Variants in MME observed in about 807,000 individuals in gnomAD.
MME encodes the protein neprilysin.
A neutral mutation model predicts 113.2 loss-of-function variants in MME; 98 were observed. The ratio of observed to expected loss-of-function variants is 0.87; its 90% CI spans 0.74 to 1.02. MME has a LOEUF of 1.02. MME is among the 50% of genes least tolerant of loss of function. The pLI, the probability that MME is intolerant of heterozygous loss-of-function variation, is 0.00. For synonymous variants in MME, 292 were observed against 300.6 expected (o/e 0.97, Z 0.30); for missense variants, 836 against 896.0 (o/e 0.93, Z 0.86).
chr3:155,028,566 A>G (rs1230425124), intron 1 of MME, among the ~76,000 whole-genome samples: 1 of 152,204 alleles, frequency 6.6e-6, no homozygotes, highest in African/African-American at 2.4e-5. Flanking sequence ...GCCACACTTT[A>G]TAGATGGAGG....
chr3:155,062,717 A>C (rs1427588285), intron 1 of MME, among the ~76,000 whole-genome samples: 1 of 152,116 alleles, frequency 6.6e-6, no homozygotes, highest in Non-Finnish European at 1.5e-5. Context: ...CTGAGACATA[A>C]AAGACAAGCT....
At chr3:155,046,758 C>T (rs1292172027) in intron 1 of MME, among the ~76,000 whole-genome samples, 1 of 151,878 alleles carries the variant, frequency 6.6e-6, no homozygotes, top group Non-Finnish European at 1.5e-5. Context: ...CCTGTGTAGG[C>T]CTAGGGTTAA....
chr3:155,090,412 A>G (rs1716186147), intron 3 of MME: 1 of 152,116 alleles, frequency 6.6e-6, no homozygotes, highest in African/African-American at 2.4e-5. Context: ...TATATGCTAT[A>G]TTTTTTCTGT....
intron 3 of MME, among the ~76,000 whole-genome samples, chr3:155,100,964 G>A (rs1047918908): frequency 2.0e-5 from 3 of 152,194 alleles, no homozygotes; most frequent in Admixed American, 1.3e-4. Flanking sequence ...AGTGTTGGAG[G>A]TGGGGCCTGG....
In MME at chr3:155,091,218, G is replaced by A. The variant is rs145732313; in HGVS notation, c.196+6124G>A. On this transcript the variant is annotated intron_variant, in intron 3 of 22. Coordinates refer to ENST00000360490, the MANE Select transcript of MME (RefSeq NM_007289.4). ...GTGTGGCTTCCCTGGCACAATTCTC[G>A]TGAAAATTGTGTAGGGATATTACCT... Among the ~76,000 whole-genome samples, 967 of 152,232 alleles carry A rather than the reference G, an allele frequency of 6.4e-3. 43 individuals are homozygous for A. The highest frequency in any genetic ancestry group is 0.055 in the Admixed American group (848 of 15,286).
chr3:155,116,425 C>T, intron 4 of MME, 54 bp from the exon 5 acceptor site: 1 of 1,257,948 alleles, frequency 7.9e-7, no homozygotes, highest in Non-Finnish European at 1.2e-6. Context: ...ATTATGTTTG[C>T]ATAGTGCAAA....
chr3:155,096,718 T>C (rs991724338), intron 3 of MME, among the ~76,000 whole-genome samples: 6 of 152,166 alleles, frequency 3.9e-5, no homozygotes, highest in African/African-American at 1.4e-4. Context: ...TGCTGTTGTT[T>C]GTTTGTTTGT....
chr3:155,140,122 C>A, intron 9 of MME, 69 bp from the exon 10 acceptor site: 2 of 1,047,116 alleles, frequency 1.9e-6, no homozygotes, highest in Non-Finnish European at 2.9e-6. Flanking sequence ...TATTTTTACC[C>A]TCATATGTAG....
intron 1 of MME, among the ~76,000 whole-genome samples, chr3:155,063,671 T>TATTATATTAC (rs1280258627): frequency 1.9e-5 from 2 of 104,398 alleles, no homozygotes; most frequent in Non-Finnish European, 3.6e-5. Flanking sequence ...ACATATTATA[T>TATTATATTAC]ATTATATTAT....
chr3:155,106,934 G>A (rs1158512804), intron 3 of MME, among the ~76,000 whole-genome samples: 1 of 152,226 alleles, frequency 6.6e-6, no homozygotes, highest in Admixed American at 6.5e-5. Context: ...TTATAATGAT[G>A]TTAGGATACT....
chr3:155,171,187 C>G (rs1227152566), intron 20 of MME, among the ~76,000 whole-genome samples: 1 of 152,114 alleles, frequency 6.6e-6, no homozygotes, highest in African/African-American at 2.4e-5. Flanking sequence ...TACAATTGTG[C>G]AAATATTTTA....
At chr3:155,031,269 G>A (rs1016262758) in intron 1 of MME, among the ~76,000 whole-genome samples, 2 of 152,014 alleles carry the variant, frequency 1.3e-5, no homozygotes, top group Non-Finnish European at 2.9e-5. Context: ...AAAATTGTTG[G>A]ATCTGTATTT....
intron 1 of MME, among the ~76,000 whole-genome samples, chr3:155,054,165 T>C (rs1713852375): frequency 6.6e-6 from 1 of 152,236 alleles, no homozygotes. Flanking sequence ...TTAACTTTTA[T>C]TTCTTTCGTA....
chr3:155,043,475 G>A (rs1713431312), intron 1 of MME, among the ~76,000 whole-genome samples: 1 of 151,862 alleles, frequency 6.6e-6, no homozygotes, highest in African/African-American at 2.4e-5. Flanking sequence ...TGGGATTACA[G>A]GCATGCACCA....
At chr3:155,095,554 A>AT (rs374278610) in intron 3 of MME, among the ~76,000 whole-genome samples, 37 of 151,522 alleles carry the variant, frequency 2.4e-4, no homozygotes, top group African/African-American at 8.2e-4. Flanking sequence ...TTTATTTTTT[A>AT]TTTTTTTTAG....
At chr3:155,052,114 G>A (rs1457038219) in intron 1 of MME, among the ~76,000 whole-genome samples, 1 of 152,202 alleles carries the variant, frequency 6.6e-6, no homozygotes, top group African/African-American at 2.4e-5. Flanking sequence ...TCATGCTGAT[G>A]TAAGAGGTGG....
intron 22 of MME, among the ~76,000 whole-genome samples, chr3:155,177,462 C>T (rs1367607483): frequency 6.6e-6 from 1 of 152,176 alleles, no homozygotes; most frequent in Non-Finnish European, 1.5e-5. Context: ...AATGCAAATT[C>T]CTAATTTCTA....
intron 3 of MME, among the ~76,000 whole-genome samples, chr3:155,097,068 A>G (rs1022371335): frequency 1.3e-5 from 2 of 152,206 alleles, no homozygotes; most frequent in African/African-American, 4.8e-5. Flanking sequence ...AAATTGGGTG[A>G]TAAGTCAGCT....
At chr3:155,170,111 A>T (rs1429151228) in intron 20 of MME, among the ~76,000 whole-genome samples, 6 of 151,706 alleles carry the variant, frequency 4.0e-5, no homozygotes, top group Non-Finnish European at 4.4e-5. Context: ...AGTGGCACGA[A>T]CTCGGCTCAC....
Sources: allele counts gnomAD v4.1 joint callset (sites outside exome capture counted in the v4.1 genomes callset), GRCh38; gene constraint gnomAD v4.1.1; transcripts MANE v1.5; gene names NCBI Gene and HGNC (gene_info 2026-07-23, HGNC 2026-07-21).